The following NUCB1 variants were observed in gnomAD, a reference collection of about 807,000 sequenced individuals.
NUCB1 encodes nucleobindin 1, also known as nucleobindin-1.
Under a neutral mutation model 61.2 loss-of-function variants are expected in NUCB1, and 47 were observed. That is an observed-to-expected ratio of 0.77 (90% CI 0.61 to 0.98). The LOEUF (loss-of-function observed/expected upper bound fraction) is 0.98, where lower values mean the gene tolerates loss of function less well. NUCB1 is among the 50% of genes least tolerant of loss of function. The pLI is 0.00. For synonymous variants in NUCB1, 234 were observed against 243.1 expected (o/e 0.96, Z 0.35); for missense variants, 583 against 605.3 (o/e 0.96, Z 0.39).
At chr19:48,905,455 C>T (rs554163300) in intron 3 of NUCB1, among the ~76,000 whole-genome samples, 1 of 152,234 alleles carries the variant, frequency 6.6e-6, no homozygotes, top group Admixed American at 6.5e-5. Flanking sequence ...CCAGGCTGAT[C>T]TTGAGATCCT....
At chr19:48,902,621 G>A (rs1018742558) in intron 2 of NUCB1, among the ~76,000 whole-genome samples, 1 of 149,444 alleles carries the variant, frequency 6.7e-6, no homozygotes, top group Non-Finnish European at 1.5e-5. Flanking sequence ...TACTGCCCAG[G>A]CTAGTCTCGA....
chr19:48,907,400 C>T (rs1264459152), intron 4 of NUCB1, among the ~76,000 whole-genome samples: 1 of 151,682 alleles, frequency 6.6e-6, no homozygotes, highest in Admixed American at 6.6e-5. Context: ...CTCAGCCTCC[C>T]AAGTAGCTGG....
chr19:48,905,920 A>AGGGGGGGGGG, intron 4 of NUCB1, 35 bp downstream of exon 4: 1 of 473,426 alleles, frequency 2.1e-6, no homozygotes. Flanking sequence ...ACAGGCAGGG[A>AGGGGGGGGGG]GGGGTGGGGA....
rs1422958673 is a variant in NUCB1 at position 48,918,475 on chromosome 19, T to A, written c.758-251T>A. 1.0e-5 allele frequency: 5 copies of A among 489,564 alleles called. No homozygotes were observed. The East Asian group carries it at 1.4e-4, about 14-fold the overall frequency. 30.3% of individuals were successfully genotyped at this position (489,564 alleles called of 1,614,324 possible). On this transcript the variant is annotated intron_variant, in intron 7 of 12. Coordinates refer to ENST00000405315, the MANE Select transcript of NUCB1 (RefSeq NM_006184.6). ...AGGGCCAGAGAATCCTGCATGACAGTGACCCAAGCATGTTTCCTCGAACCC... is the reference window on the plus strand; with the variant it reads ...AGGGCCAGAGAATCCTGCATGACAGAGACCCAAGCATGTTTCCTCGAACCC...
At chr19:48,908,648 CGTGTGTGTGTGTGTGTGT>C (rs58211997) in intron 4 of NUCB1, among the ~76,000 whole-genome samples, 32 of 86,552 alleles carry the variant, frequency 3.7e-4, no homozygotes, top group East Asian at 1.2e-3. Flanking sequence ...TCTAGCTGCC[CGTGTGTGTGTGTGTGTGT>C]GTGTGTGTGT....
intron 12 of NUCB1, 26 bp from the exon 13 acceptor site, chr19:48,922,292 C>T (rs764901954): frequency 1.1e-5 from 17 of 1,589,060 alleles, no homozygotes; most frequent in Non-Finnish European, 1.4e-5. Flanking sequence ...ATGTCCTGTG[C>T]CACCATTCCC....
In NUCB1 at chr19:48,922,515, T is replaced by A. The variant is rs1532704; in HGVS notation, c.*91T>A. ...TGGCACAGTCAGCTTCCCTGGGGGC[T>A]GGTGTCATGTTGGGCTCCTGGGGCG... On this transcript the variant is annotated 3_prime_UTR_variant, in exon 13 of 13. Transcript: ENST00000405315. 1 of 1,085,488 alleles carries A rather than the reference T, an allele frequency of 9.2e-7. No homozygotes were observed. 67.2% of individuals were successfully genotyped at this position (1,085,488 alleles called of 1,614,324 possible). A position where few individuals can be genotyped will look rare whatever the true frequency, so the allele number is the denominator to read the frequency against.
intron 4 of NUCB1, among the ~76,000 whole-genome samples, chr19:48,908,281 C>T (rs545084755): frequency 3.3e-5 from 5 of 152,292 alleles, no homozygotes; most frequent in African/African-American, 1.2e-4. Context: ...CAGGTGCCCG[C>T]CACCATACCT....
chr19:48,903,372 G>A (rs1435532608), intron 2 of NUCB1, among the ~76,000 whole-genome samples: 2 of 151,042 alleles, frequency 1.3e-5, no homozygotes, highest in African/African-American at 2.5e-5. Flanking sequence ...ATGCATGGGC[G>A]GGTGGGTAGA....
rs1218014564 is a variant in NUCB1 at position 48,913,478 on chromosome 19, G to A, written c.671G>A (p.Ser224Asn). 7 of 1,614,110 alleles carry A rather than the reference G, an allele frequency of 4.3e-6. No individual in the cohort carries two copies. In the South Asian group the frequency reaches 7.7e-5, roughly 18 times the overall value. ...REHPKVNVPGSQAQLKEVWEE... is the reference protein window; with the variant it reads ...REHPKVNVPGNQAQLKEVWEE... ...TCCTGGCTCTCCCCTCCACAGGGCA[G>A]CCAAGCCCAGTTGAAGGAGGTGTGG... is the stretch of plus-strand genomic sequence containing the variant. Residue 224 changes from serine (S) to asparagine (N), a missense_variant, in exon 7 of 13, where the codon AGC becomes AAC. Physicochemically the swap from Ser to Asn is conservative, Grantham distance 46 (BLOSUM62 1). Coordinates refer to ENST00000405315, the MANE Select transcript of NUCB1 (RefSeq NM_006184.6).
chr19:48,908,514 C>T (rs561561528), intron 4 of NUCB1, among the ~76,000 whole-genome samples: 42 of 152,158 alleles, frequency 2.8e-4, no homozygotes, highest in Non-Finnish European at 5.1e-4. Context: ...AGCGGCTCAA[C>T]ACACGTCCCT....
intron 7 of NUCB1, among the ~76,000 whole-genome samples, chr19:48,916,169 G>A (rs2037537530): frequency 7.2e-6 from 1 of 138,160 alleles, no homozygotes; most frequent in Non-Finnish European, 1.5e-5. Context: ...TTTGGTATTT[G>A]TCGTGTGTGT....
chr19:48,912,563 C>T lies in NUCB1; in HGVS notation c.481-448C>T, dbSNP rs1319951156. Among the ~76,000 whole-genome samples, 8 of 152,176 alleles carry T rather than the reference C, an allele frequency of 5.3e-5. No individual in the cohort carries two copies. The South Asian group carries it at 8.3e-4, about 16-fold the overall frequency. On this transcript the variant is annotated intron_variant, in intron 5 of 12. Coordinates refer to ENST00000405315, the MANE Select transcript of NUCB1 (RefSeq NM_006184.6). ...AAAAAGGGCGACATCAGGCTGTGCG[C>T]GATGGCTCACGCCTATAATCCCAGC...
chr19:48,905,955 A>C, intron 4 of NUCB1, 70 bp downstream of exon 4: 2 of 1,436,168 alleles, frequency 1.4e-6, no homozygotes, highest in South Asian at 2.5e-5. Context: ...CCCGGCCTCC[A>C]GGTGGTTGTG....
rs758030200 is a variant in NUCB1 at position 48,905,788 on chromosome 19, C to T, written c.279C>T (p.Ser93=). 1.2e-6 allele frequency: 2 copies of T among 1,614,096 alleles called. No homozygotes were observed. Among genetic ancestry groups the T allele is most frequent in the South Asian group, 2.2e-5 (2 of 91,086 alleles). Residue 93 remains serine (S), a synonymous_variant, in exon 4 of 13, where the codon AGC becomes AGT. Transcript: ENST00000405315. ...GKLSRELDFV[S]HHVRTKLDEL... ...TGAGCCGAGAGCTGGACTTTGTCAG[C>T]CACCACGTCCGCACCAAGCTGGATG... is the stretch of plus-strand genomic sequence containing the variant.
chr19:48,900,680 G>A, intron 1 of NUCB1, 106 bp from the exon 2 acceptor site: 1 of 1,423,624 alleles, frequency 7.0e-7, no homozygotes, highest in South Asian at 1.3e-5. Context: ...CTTGTGTCTT[G>A]ATTCTTGGAA....
chr19:48,913,663 T>C, intron 7 of NUCB1, 99 bp downstream of exon 7: 1 of 977,638 alleles, frequency 1.0e-6, no homozygotes, highest in Non-Finnish European at 1.6e-6. Context: ...CAGGAGGGCT[T>C]AGTCAGGCCC....
chr19:48,901,265 G>A, intron 2 of NUCB1: 1 of 477,780 alleles, frequency 2.1e-6, no homozygotes, highest in South Asian at 2.2e-5. Flanking sequence ...GTTGATGTTG[G>A]CTAGCTGGGG....
chr19:48,909,111 GA>G (rs2037445043), intron 4 of NUCB1, among the ~76,000 whole-genome samples: 1 of 152,000 alleles, frequency 6.6e-6, no homozygotes, highest in Non-Finnish European at 1.5e-5. Context: ...GGCTATGAGG[GA>G]GGATCTGTAC....
Sources: gnomAD v4.1 joint callset for allele counts (sites outside exome capture counted in the v4.1 genomes callset) on GRCh38, gnomAD v4.1.1 for gene constraint, MANE v1.5 for transcripts, NCBI Gene and HGNC (gene_info 2026-07-23, HGNC 2026-07-21) for gene names.